GFRA2: variants seen among roughly 807,000 people sequenced by gnomAD.
The protein encoded by GFRA2 is GDNF family receptor alpha 2.
In GFRA2, 17 loss-of-function variants were observed where a neutral mutation model predicts 48.3. That is an observed-to-expected ratio of 0.35 (90% CI 0.24 to 0.53). The LOEUF (loss-of-function observed/expected upper bound fraction) is 0.53, where lower values mean the gene tolerates loss of function less well. Among genes scored for constraint, GFRA2 ranks in the 20% least tolerant of loss-of-function variants. The probability of loss-of-function intolerance (pLI) is 0.93; values close to 1 mark genes in which losing one functional copy is unlikely to be tolerated. For synonymous variants in GFRA2, 305 were observed against 257.2 expected (o/e 1.19, Z -1.78); for missense variants, 660 against 637.3 (o/e 1.04, Z -0.38).
At chr8:21,700,959 C>T (rs191679798) in intron 7 of GFRA2, among the ~76,000 whole-genome samples, 44 of 152,240 alleles carry the variant, frequency 2.9e-4, no homozygotes, top group African/African-American at 1.1e-3. Context: ...ATGGTCCAAG[C>T]TAGGGGAGCT....
At chr8:21,795,741 T>G (rs2117106968) in intron 2 of GFRA2, among the ~76,000 whole-genome samples, 1 of 152,276 alleles carries the variant, frequency 6.6e-6, no homozygotes, top group Non-Finnish European at 1.5e-5. Context: ...TGACCAAGGT[T>G]ACAACATAGC....
chr8:21,796,387 C>G (rs536490159), intron 2 of GFRA2, among the ~76,000 whole-genome samples: 1 of 152,208 alleles, frequency 6.6e-6, no homozygotes, highest in African/African-American at 2.4e-5. Flanking sequence ...GGAGCCGGCT[C>G]CTGCTGCCTG....
At chr8:21,754,616 C>A (rs1805475049) in intron 3 of GFRA2, among the ~76,000 whole-genome samples, 1 of 145,604 alleles carries the variant, frequency 6.9e-6, no homozygotes, top group Non-Finnish European at 1.5e-5. Flanking sequence ...TCAAGAGATT[C>A]TCCTGCTTCA....
Position 21,693,299 on chromosome 8 carries a change from C to A in GFRA2, c.1374G>T (p.Leu458=). The A allele has an allele frequency of 6.2e-7, 1 of 1,612,934 alleles. No homozygotes were observed. The highest frequency in any genetic ancestry group is 1.1e-5 in the South Asian group (1 of 90,922). ...PSAALTVLSV[L]MLKLAL ...CAGCCTACAAGGCCAGTTTCAGCAT[C>A]AGGACAGACAGCACGGTCAAGGCAG... is the stretch of plus-strand genomic sequence containing the variant. Residue 458 remains leucine, a synonymous_variant, in exon 9 of 9, where the codon CTG becomes CTT. Coordinates refer to ENST00000524240, the MANE Select transcript of GFRA2 (RefSeq NM_001495.5).
chr8:21,787,275 T>G (rs995930268), intron 1 of GFRA2, among the ~76,000 whole-genome samples: 6,352 of 72,368 alleles, frequency 0.088, 34 homozygotes, highest in Admixed American at 0.11. Context: ...GGGGGGGCAG[T>G]GGGGGGGGTT....
chr8:21,748,940 T>C (rs2117585259), intron 4 of GFRA2, among the ~76,000 whole-genome samples: 1 of 152,294 alleles, frequency 6.6e-6, no homozygotes, highest in South Asian at 2.1e-4. Context: ...CTTCCCTGGC[T>C]TTCTCCTCCT....
intron 4 of GFRA2, among the ~76,000 whole-genome samples, chr8:21,710,729 T>C (rs1371778724): frequency 1.3e-5 from 2 of 152,198 alleles, no homozygotes; most frequent in African/African-American, 4.8e-5. Context: ...TGGAGAGCTA[T>C]TCATAGCAAA....
At chr8:21,798,835 G>A (rs1807721806) in intron 2 of GFRA2, among the ~76,000 whole-genome samples, 1 of 152,172 alleles carries the variant, frequency 6.6e-6, no homozygotes, top group Middle Eastern at 3.2e-3. Flanking sequence ...CCTTTTCACA[G>A]GTGAGAATAC....
chr8:21,712,375 C>G (rs1308777672), intron 4 of GFRA2, among the ~76,000 whole-genome samples: 1 of 150,778 alleles, frequency 6.6e-6, no homozygotes, highest in African/African-American at 2.4e-5. Context: ...GACGGGGCGG[C>G]GGGGCAGAGG....
intron 1 of GFRA2, among the ~76,000 whole-genome samples, chr8:21,806,007 AGGGATG>A (rs1807858414): frequency 6.6e-6 from 1 of 152,190 alleles, no homozygotes; most frequent in Admixed American, 6.5e-5. Flanking sequence ...CTGAGTCCCA[AGGGATG>A]GGCGCCTCTG....
intron 4 of GFRA2, among the ~76,000 whole-genome samples, chr8:21,715,846 G>A (rs1803304546): frequency 6.6e-6 from 1 of 152,140 alleles, no homozygotes; most frequent in Non-Finnish European, 1.5e-5. Flanking sequence ...GCTAACCGGA[G>A]GGAGAAGCAG....
At chr8:21,770,849 C>G (rs1420666258) in intron 3 of GFRA2, among the ~76,000 whole-genome samples, 1 of 152,220 alleles carries the variant, frequency 6.6e-6, no homozygotes, top group African/African-American at 2.4e-5. Flanking sequence ...CCACACCACC[C>G]TTCCAGGTCC....
At position 21,783,726 on chromosome 8, in the gene GFRA2, A is replaced by G. The variant is rs897845876; in HGVS notation, c.41-827T>C. ...ACAAGTTCCGCCCCGGCCCCCTCCAATAGAAAATGCTTTTGGCAAGCCTGG... is the reference window on the plus strand; with the variant it reads ...ACAAGTTCCGCCCCGGCCCCCTCCAGTAGAAAATGCTTTTGGCAAGCCTGG... On this transcript the variant is annotated intron_variant, in intron 1 of 8. Coordinates refer to ENST00000524240, the MANE Select transcript of GFRA2 (RefSeq NM_001495.5). Among the ~76,000 whole-genome samples, 14 of 151,650 alleles carry G rather than the reference A, an allele frequency of 9.2e-5. 1 individual carries two copies. Among genetic ancestry groups the G allele is most frequent in the South Asian group, 8.4e-4 (4 of 4,764 alleles).
intron 4 of GFRA2, among the ~76,000 whole-genome samples, chr8:21,723,491 T>A (rs1391803344): frequency 6.6e-6 from 1 of 152,132 alleles, no homozygotes; most frequent in African/African-American, 2.4e-5. Context: ...CAGGAAAGCT[T>A]TCTGGAGAGA....
chr8:21,726,781 C>G (rs1268116700), intron 4 of GFRA2, among the ~76,000 whole-genome samples: 1 of 140,220 alleles, frequency 7.1e-6, no homozygotes, highest in Non-Finnish European at 1.5e-5. Context: ...GAGACAGAGT[C>G]TCACTCTGTG....
chr8:21,789,879 G>C (rs1807508311), upstream of GFRA2, among the ~76,000 whole-genome samples: 1 of 152,122 alleles, frequency 6.6e-6, no homozygotes, highest in Non-Finnish European at 1.5e-5. Flanking sequence ...AGAGGAATCG[G>C]GCAGGGGCTC....
At position 21,759,959 on chromosome 8, in the gene GFRA2, A is replaced by T. The variant is rs147100645; in HGVS notation, c.440-9017T>A. 1.1e-4 allele frequency among the ~76,000 whole-genome samples: 17 copies of T among 151,754 alleles called. No homozygotes were observed. The East Asian group carries it at 2.9e-3, about 26-fold the overall frequency. ...TTTCCGAGGAGGTGACATCAAGTTG[A>T]GGTAGAATGACTAAAATGGCGGGCA... On this transcript the variant is annotated intron_variant, in intron 3 of 8. Coordinates refer to ENST00000524240, the MANE Select transcript of GFRA2 (RefSeq NM_001495.5).
intron 2 of GFRA2, among the ~76,000 whole-genome samples, chr8:21,796,009 A>C (rs1449904237): frequency 2.0e-5 from 3 of 152,158 alleles, no homozygotes; most frequent in Non-Finnish European, 4.4e-5. Flanking sequence ...TTCTCGAGAA[A>C]ACTGTGAAAC....
rs551535565 is a variant in GFRA2, at chr8:21,735,468, G to A, written c.794+15120C>T. Reference sequence around the variant, plus strand: ...TCCTTCGCACACACACAGGAGATGAGGCAGAGTGCTTGGGCCAGTAGGCAA... The same window carrying A: ...TCCTTCGCACACACACAGGAGATGAAGCAGAGTGCTTGGGCCAGTAGGCAA... On this transcript the variant is annotated intron_variant, in intron 4 of 8. Transcript: ENST00000524240. Among the ~76,000 whole-genome samples the A allele has an allele frequency of 4.6e-5, 7 of 152,072 alleles. No individual in the cohort carries two copies. The South Asian group carries it at 1.5e-3, about 32-fold the overall frequency.
Sources: gnomAD v4.1 joint callset for allele counts (sites outside exome capture counted in the v4.1 genomes callset) on GRCh38, gnomAD v4.1.1 for gene constraint, MANE v1.5 for transcripts, NCBI Gene and HGNC (gene_info 2026-07-23, HGNC 2026-07-21) for gene names.